SMARCA4: variants seen among roughly 807,000 people sequenced by gnomAD.
SMARCA4 encodes the protein SWI/SNF-related matrix-associated actin-dependent regulator of chromatin subfamily A member 4.
Under a neutral mutation model 193.9 loss-of-function variants are expected in SMARCA4, and 31 were observed. That is an observed-to-expected ratio of 0.16 (90% confidence interval 0.12 to 0.22). The LOEUF is 0.22. Among genes scored for constraint, SMARCA4 ranks in the 10% least tolerant of loss-of-function variants. SMARCA4 has a pLI of 1.00. For synonymous variants in SMARCA4, 942 were observed against 933.1 expected (o/e 1.01, Z -0.17); for missense variants, 1,148 against 2,296.0 (o/e 0.50, Z 10.22).
intron 16 of SMARCA4, among the ~76,000 whole-genome samples, 175 bp downstream of exon 16, chr19:11,013,287 C>A: frequency 6.6e-6 from 1 of 152,224 alleles, no homozygotes; most frequent in East Asian, 1.9e-4. Context: ...CCTGAGGCCT[C>A]TCTTCCTGCT....
rs1401842114 is a variant in SMARCA4 at position 11,041,780 on chromosome 19, CAT to C, written c.4424+221_4424+222del. Reference sequence around the variant, plus strand: ...TCTGCGGTGATGAGAGGGAATGTCACATGTGGTCGAGAGGAGAGGCAGGGGTG... The same window carrying C: ...TCTGCGGTGATGAGAGGGAATGTCACGTGGTCGAGAGGAGAGGCAGGGGTG... On this transcript the variant is annotated intron_variant, in intron 30 of 34. Coordinates refer to ENST00000344626, the MANE Select transcript of SMARCA4 (RefSeq NM_003072.5). The surrounding 1 kb of genome is among the most constrained non-coding windows in gnomAD (Gnocchi z 5.6). Among the ~76,000 whole-genome samples, 1 of 152,084 alleles carries C rather than the reference CAT, an allele frequency of 6.6e-6. No individual in the cohort carries two copies. The highest frequency in any genetic ancestry group is 1.5e-5 in the Non-Finnish European group (1 of 68,030).
rs78692706 is a variant in SMARCA4 at position 10,989,040 on chromosome 19, C to T, written c.1119-277C>T. On this transcript the variant is annotated intron_variant, in intron 6 of 34. Coordinates refer to ENST00000344626, the MANE Select transcript of SMARCA4 (RefSeq NM_003072.5). The stretch of plus-strand genomic sequence containing the variant: ...CCAGAGCTGCATGAAAACCTTGGCC[C>T]GCCTGACGCCAGAACCTGGCTCACA... 0.032 allele frequency among the ~76,000 whole-genome samples: 4,878 copies of T among 152,328 alleles called. 110 individuals are homozygous for T. Among genetic ancestry groups the T allele is most frequent in the Non-Finnish European group, 0.053 (3,602 of 68,024 alleles).
At chr19:11,046,707 A>G (rs2075943270) in intron 30 of SMARCA4, among the ~76,000 whole-genome samples, 1 of 152,152 alleles carries the variant, frequency 6.6e-6, no homozygotes, top group Non-Finnish European at 1.5e-5. Context: ...TAATCCCAGA[A>G]CTTTGTAAGG....
At chr19:10,973,806 G>T (rs1275442260) in intron 1 of SMARCA4, among the ~76,000 whole-genome samples, 1 of 151,984 alleles carries the variant, frequency 6.6e-6, no homozygotes, top group Non-Finnish European at 1.5e-5. Flanking sequence ...CCTGACCCTC[G>T]TGATCCACCC....
At chr19:11,007,834 C>T (rs2146186625) in intron 13 of SMARCA4, 68 bp from the exon 14 acceptor site, 3 of 1,577,704 alleles carry the variant, frequency 1.9e-6, no homozygotes, top group Admixed American at 1.7e-5. Flanking sequence ...AGACTGTTCT[C>T]CCCATGGGAG....
At chr19:10,961,849 G>A (rs562225368) in intron 1 of SMARCA4, 14 of 152,298 alleles carry the variant, frequency 9.2e-5, no homozygotes, top group Admixed American at 6.5e-4. Flanking sequence ...CTGTGTAAAA[G>A]CATTGCTTTT....
chr19:10,989,140 G>A (rs1267482473), intron 6 of SMARCA4, among the ~76,000 whole-genome samples, 177 bp from the exon 7 acceptor site: 2 of 152,236 alleles, frequency 1.3e-5, no homozygotes, highest in African/African-American at 4.8e-5. Flanking sequence ...GTCCTGAGGA[G>A]TGCCCCGGGC....
intron 6 of SMARCA4, 113 bp downstream of exon 6, chr19:10,988,037 T>G: frequency 2.7e-6 from 3 of 1,116,902 alleles, no homozygotes; most frequent in Non-Finnish European, 3.9e-6. Flanking sequence ...TGCCCACCAC[T>G]GCCACTTGGC....
chr19:11,053,547 T>C (rs2076381851), intron 30 of SMARCA4, among the ~76,000 whole-genome samples: 1 of 152,102 alleles, frequency 6.6e-6, no homozygotes, highest in African/African-American at 2.4e-5. Context: ...CTGCGTTGTC[T>C]GTGGTTCCCT....
rs1467214059 is a variant in SMARCA4 at position 11,034,970 on chromosome 19, C to T, written c.4008C>T (p.Arg1336=). ...EEARNPKRKP[R]LMEEDELPSW... Reference sequence around the variant, plus strand: ...CCCGCAACCCCAAGCGGAAGCCGCGCCTCATGGAGGAGGACGAGCTCCCCT... The same window carrying T: ...CCCGCAACCCCAAGCGGAAGCCGCGTCTCATGGAGGAGGACGAGCTCCCCT... Residue 1336 remains arginine (R), a synonymous_variant, in exon 29 of 35, where the codon CGC becomes CGT. Coordinates refer to ENST00000344626, the MANE Select transcript of SMARCA4 (RefSeq NM_003072.5). This position sits in a 1 kb window ranked among gnomAD's most constrained non-coding sequence, Gnocchi z 7.0. 6.2e-7 allele frequency: 1 copy of T among 1,603,700 alleles called. No homozygotes were observed. Among genetic ancestry groups the T allele is most frequent in the Non-Finnish European group, 8.5e-7 (1 of 1,176,026 alleles).
At chr19:11,049,925 A>G (rs2076163598) in intron 30 of SMARCA4, among the ~76,000 whole-genome samples, 1 of 152,186 alleles carries the variant, frequency 6.6e-6, no homozygotes, top group Non-Finnish European at 1.5e-5. Flanking sequence ...AACGTGGCAA[A>G]AACCCCGTCT....
intron 9 of SMARCA4, 99 bp downstream of exon 9, chr19:10,995,100 G>T: frequency 2.6e-6 from 3 of 1,162,512 alleles, no homozygotes; most frequent in Non-Finnish European, 3.8e-6. Context: ...GCATTTCACA[G>T]CTCGGAGTTA....
intron 1 of SMARCA4, among the ~76,000 whole-genome samples, chr19:10,982,673 T>G (rs1346561970): frequency 1.3e-5 from 2 of 151,822 alleles, no homozygotes; most frequent in African/African-American, 4.8e-5. Context: ...CTAAGCTTTT[T>G]TTTTGTATTT....
chr19:11,042,212 G>A (rs144624209), intron 30 of SMARCA4, among the ~76,000 whole-genome samples: 6,375 of 152,336 alleles, frequency 0.042, 162 homozygotes, highest in Non-Finnish European at 0.063. Context: ...GCCCAGCGGC[G>A]GATCATAACG....
intron 12 of SMARCA4, 73 bp downstream of exon 12, chr19:11,003,232 A>T (rs2146103082): frequency 6.2e-7 from 1 of 1,608,738 alleles, no homozygotes; most frequent in Non-Finnish European, 8.5e-7. Flanking sequence ...GGGAGGTGGC[A>T]GCCAGGAGCA....
intron 14 of SMARCA4, 124 bp from the exon 15 acceptor site, chr19:11,010,257 C>G (rs1328719895): frequency 9.0e-7 from 1 of 1,112,086 alleles, no homozygotes; most frequent in Non-Finnish European, 1.4e-6. Flanking sequence ...CTCTATGTGT[C>G]TTACAGTGCT....
chr19:10,965,798 TATGATCTTTAAAAAATTTTTCTA>T (rs996914356), intron 1 of SMARCA4, among the ~76,000 whole-genome samples: 1 of 152,098 alleles, frequency 6.6e-6, no homozygotes, highest in Non-Finnish European at 1.5e-5. Flanking sequence ...AATACAGTAT[TATGATCTTTAAAAAATTTTTCTA>T]ATTAGACAAT....
chr19:11,027,584 G>A (rs2090353895), intron 23 of SMARCA4, 200 bp from the exon 24 acceptor site: 2 of 672,142 alleles, frequency 3.0e-6, no homozygotes, highest in Non-Finnish European at 2.7e-6. Context: ...CCTCCCCAGC[G>A]AGGGTGGCCG....
At chr19:10,975,718 C>A (rs1171976294) in intron 1 of SMARCA4, among the ~76,000 whole-genome samples, 1 of 152,182 alleles carries the variant, frequency 6.6e-6, no homozygotes, top group Non-Finnish European at 1.5e-5. Context: ...TATGGCCACA[C>A]CACTTCTAGA....
Sources: gnomAD v4.1 joint callset for allele counts (sites outside exome capture counted in the v4.1 genomes callset) on GRCh38, gnomAD v4.1.1 for gene constraint, Gnocchi (gnomAD v3.1) non-coding constraint, MANE v1.5 for transcripts, NCBI Gene and HGNC (gene_info 2026-07-23, HGNC 2026-07-21) for gene names.